PCDH7: variants seen among roughly 807,000 people sequenced by gnomAD.
PCDH7 encodes the protein protocadherin-7.
In PCDH7, 17 loss-of-function variants were observed where a neutral mutation model predicts 58.9. The observed-to-expected ratio is 0.29, with a 90% CI of 0.20 to 0.43. The LOEUF (loss-of-function observed/expected upper bound fraction) is 0.43. Ranked by LOEUF, PCDH7 falls within the 20% of genes least tolerant of loss-of-function variation. The pLI, the probability that PCDH7 is intolerant of heterozygous loss-of-function variation, is 1.00. For missense variants in PCDH7, 1,274 were observed against 1,441.0 expected (o/e 0.88, Z 1.88); for synonymous variants, 664 against 616.4 (o/e 1.08, Z -1.14).
chr4:31,135,891 G>T (rs1314827192), intron 3 of PCDH7, among the ~76,000 whole-genome samples: 5 of 152,120 alleles, frequency 3.3e-5, no homozygotes, highest in African/African-American at 1.2e-4. Flanking sequence ...TTGGATTAGG[G>T]ATTGTGCACC....
At chr4:30,933,428 T>C (rs552902188) in intron 2 of PCDH7, among the ~76,000 whole-genome samples, 2 of 152,298 alleles carry the variant, frequency 1.3e-5, no homozygotes, top group South Asian at 4.1e-4. Flanking sequence ...CTAGATTCAG[T>C]GCTTCTTTCA....
chr4:31,033,602 CA>C (rs1200270416), intron 3 of PCDH7, among the ~76,000 whole-genome samples: 47 of 152,108 alleles, frequency 3.1e-4, no homozygotes, highest in Non-Finnish European at 6.6e-4. Context: ...AAGCTTTTGG[CA>C]ATGCTTTTTA....
At chr4:30,781,980 TTTGA>T (rs1199507534) in intron 1 of PCDH7, among the ~76,000 whole-genome samples, 1 of 152,232 alleles carries the variant, frequency 6.6e-6, no homozygotes. Flanking sequence ...CTTCCCTTTC[TTTGA>T]TTGGATAGAA....
At chr4:30,957,038 C>T (rs1747935734) in intron 3 of PCDH7, among the ~76,000 whole-genome samples, 1 of 152,158 alleles carries the variant, frequency 6.6e-6, no homozygotes, top group African/African-American at 2.4e-5. Flanking sequence ...GAAGTAAAAA[C>T]AGTAAAAAAC....
rs567471467 is a variant in PCDH7, at chr4:31,102,389, T to A, written c.*8-40084T>A. On this transcript the variant is annotated intron_variant, in intron 3 of 3. Coordinates refer to the PCDH7 transcript ENST00000509759. ...GCACGGGTGTTTATAATATTGTAGATTTAACGTGAAAATGAAATGAGGAAA... is the reference window on the plus strand; with the variant it reads ...GCACGGGTGTTTATAATATTGTAGAATTAACGTGAAAATGAAATGAGGAAA... Among the ~76,000 whole-genome samples the A allele has an allele frequency of 7.6e-4, 116 of 152,172 alleles. 1 individual carries two copies. Among genetic ancestry groups the A allele is most frequent in the African/African-American group, 2.7e-3 (113 of 41,496 alleles).
intron 1 of PCDH7, among the ~76,000 whole-genome samples, chr4:30,880,445 A>G (rs1736823076): frequency 6.6e-6 from 1 of 152,184 alleles, no homozygotes. Context: ...ACACAGAGGT[A>G]TCATAGTTGT....
intron 1 of PCDH7, among the ~76,000 whole-genome samples, chr4:30,766,627 T>A (rs1279458789): frequency 6.8e-6 from 1 of 146,212 alleles, no homozygotes; most frequent in Non-Finnish European, 1.5e-5. Flanking sequence ...GTAGAAGTAC[T>A]GTATTATATC....
intron 2 of PCDH7, among the ~76,000 whole-genome samples, chr4:30,934,640 T>C (rs1238158609): frequency 6.6e-6 from 1 of 152,142 alleles, no homozygotes; most frequent in Non-Finnish European, 1.5e-5. Flanking sequence ...CTATGACCTT[T>C]TGGAGATTAA....
At chr4:30,789,083 C>A (rs1425671583) in intron 1 of PCDH7, among the ~76,000 whole-genome samples, 1 of 152,004 alleles carries the variant, frequency 6.6e-6, no homozygotes, top group Non-Finnish European at 1.5e-5. Context: ...TTAGTTTAAC[C>A]TAATGGAAAT....
intron 1 of PCDH7, among the ~76,000 whole-genome samples, chr4:30,776,738 C>G (rs1272774346): frequency 1.3e-5 from 2 of 152,056 alleles, no homozygotes; most frequent in Non-Finnish European, 2.9e-5. Flanking sequence ...TAAGATTTCA[C>G]AAGAACAAAG....
At chr4:30,913,949 T>A (rs1742086552) in intron 1 of PCDH7, among the ~76,000 whole-genome samples, 1 of 152,172 alleles carries the variant, frequency 6.6e-6, no homozygotes, top group Non-Finnish European at 1.5e-5. Flanking sequence ...TCTCTGAGAT[T>A]AGTTTCATTC....
intron 2 of PCDH7, among the ~76,000 whole-genome samples, chr4:30,923,023 T>G (rs1743385085): frequency 6.6e-6 from 1 of 152,164 alleles, no homozygotes; most frequent in Admixed American, 6.5e-5. Context: ...TTTGTCACAT[T>G]TAATTGGAAT....
chr4:30,953,154 G>A (rs1216911854), intron 3 of PCDH7, among the ~76,000 whole-genome samples: 1 of 151,892 alleles, frequency 6.6e-6, no homozygotes, highest in Non-Finnish European at 1.5e-5. Context: ...ATAATTCCAG[G>A]GACACAAAGT....
chr4:30,951,309 C>G (rs886552602), intron 3 of PCDH7, among the ~76,000 whole-genome samples: 1 of 152,108 alleles, frequency 6.6e-6, no homozygotes, highest in Non-Finnish European at 1.5e-5. Context: ...TATTTGAATG[C>G]ATTGGAATAC....
At chr4:31,105,810 A>T (rs1161397391) in intron 3 of PCDH7, among the ~76,000 whole-genome samples, 4 of 152,030 alleles carry the variant, frequency 2.6e-5, no homozygotes, top group African/African-American at 9.7e-5. Context: ...GATCGAGACC[A>T]TCCTGGCTAA....
intron 1 of PCDH7, among the ~76,000 whole-genome samples, chr4:30,788,351 G>A (rs547000605): frequency 4.6e-5 from 7 of 151,914 alleles, no homozygotes; most frequent in East Asian, 3.9e-4. Context: ...ATTTGTACTC[G>A]TTTCTTTTTA....
At chr4:30,784,912 C>T (rs1408081142) in intron 1 of PCDH7, among the ~76,000 whole-genome samples, 1 of 151,834 alleles carries the variant, frequency 6.6e-6, no homozygotes, top group Non-Finnish European at 1.5e-5. Flanking sequence ...CTTGTGATTT[C>T]AAAATATTAA....
At chr4:30,798,566 A>G (rs112948157) in intron 1 of PCDH7, among the ~76,000 whole-genome samples, 28 of 152,380 alleles carry the variant, frequency 1.8e-4, no homozygotes, top group African/African-American at 6.0e-4. Flanking sequence ...TCGTAGGCAC[A>G]AAGACATTTT....
chr4:31,109,155 T>G (rs1715973428), intron 3 of PCDH7, among the ~76,000 whole-genome samples: 1 of 152,074 alleles, frequency 6.6e-6, no homozygotes, highest in African/African-American at 2.4e-5. Context: ...ATTCCATTAA[T>G]CAAAGCAAGT....
Sources: allele counts gnomAD v4.1 joint callset (sites outside exome capture counted in the v4.1 genomes callset), GRCh38; gene constraint gnomAD v4.1.1; transcripts MANE v1.5; gene names NCBI Gene and HGNC (gene_info 2026-07-23, HGNC 2026-07-21).